Variants in EXOC2 observed in about 807,000 individuals in gnomAD.
EXOC2 encodes exocyst complex component 2.
A neutral mutation model predicts 131.8 loss-of-function variants in EXOC2; 70 were observed. That is an observed-to-expected ratio of 0.53 (90% CI 0.44 to 0.65). The LOEUF (loss-of-function observed/expected upper bound fraction) is 0.65. EXOC2 is among the 30% of genes least tolerant of loss of function. The pLI, the probability that EXOC2 is intolerant of heterozygous loss-of-function variation, is 0.00. For missense variants in EXOC2, 923 were observed against 1,108.6 expected (o/e 0.83, Z 2.38); for synonymous variants, 411 against 398.4 (o/e 1.03, Z -0.38).
At position 495,258 on chromosome 6, in the gene EXOC2, T is replaced by C. The variant is rs576445029; in HGVS notation, c.2559+2109A>G. 4.6e-5 allele frequency among the ~76,000 whole-genome samples: 7 copies of C among 152,122 alleles called. No individual in the cohort carries two copies. In the South Asian group the frequency reaches 1.5e-3, roughly 32 times the overall value. On this transcript the variant is annotated intron_variant, in intron 25 of 27. Coordinates refer to ENST00000230449, the MANE Select transcript of EXOC2 (RefSeq NM_018303.6). ...CTCCTGCCTCAGCCTCCCGAGTAGC[T>C]GGGACTACAGGCGCCCGCCACCGCG...
At chr6:489,126 C>T in intron 26 of EXOC2, 88 bp from the exon 27 acceptor site, 2 of 1,174,214 alleles carry the variant, frequency 1.7e-6, no homozygotes, top group Non-Finnish European at 1.2e-6. Flanking sequence ...TATTGAGAAG[C>T]CAATAAAAGC....
chr6:656,912 G>C (rs539756816), intron 1 of EXOC2: 1 of 1,541,232 alleles, frequency 6.5e-7, no homozygotes, highest in South Asian at 1.2e-5. Context: ...GCTCTAGACA[G>C]CCTTTGCCGG....
At chr6:559,359 T>C (rs1757582262) in intron 17 of EXOC2, among the ~76,000 whole-genome samples, 2 of 152,190 alleles carry the variant, frequency 1.3e-5, no homozygotes, top group Admixed American at 1.3e-4. Flanking sequence ...ATCTAATGTT[T>C]AGAAAAATGG....
At chr6:621,461 G>A (rs1456320118) in intron 4 of EXOC2, among the ~76,000 whole-genome samples, 3 of 152,208 alleles carry the variant, frequency 2.0e-5, no homozygotes, top group African/African-American at 4.8e-5. Context: ...ACAGCGAGAC[G>A]CCACTCACTC....
intron 1 of EXOC2, among the ~76,000 whole-genome samples, chr6:673,957 A>G (rs1420804425): frequency 6.6e-6 from 1 of 152,186 alleles, no homozygotes; most frequent in African/African-American, 2.4e-5. Flanking sequence ...CAGTATCTAC[A>G]AGGCACAATA....
chr6:607,913 CT>C (rs1760506709), intron 7 of EXOC2, among the ~76,000 whole-genome samples: 1 of 151,966 alleles, frequency 6.6e-6, no homozygotes. Flanking sequence ...AATAAATGAC[CT>C]AAGTTTCCTG....
At chr6:692,691 G>C (rs549615206) in intron 1 of EXOC2, among the ~76,000 whole-genome samples, 102 of 152,384 alleles carry the variant, frequency 6.7e-4, no homozygotes, top group African/African-American at 2.3e-3. Flanking sequence ...AGGGCGAAGC[G>C]GCGCAGTCTG....
chr6:618,633 A>G (rs1362322434), intron 5 of EXOC2, among the ~76,000 whole-genome samples: 4 of 152,196 alleles, frequency 2.6e-5, no homozygotes, highest in African/African-American at 7.2e-5. Context: ...AATTTACCCT[A>G]TGTATTAAAA....
At chr6:612,743 G>A (rs1391406809) in intron 6 of EXOC2, among the ~76,000 whole-genome samples, 1 of 152,084 alleles carries the variant, frequency 6.6e-6, no homozygotes, top group Non-Finnish European at 1.5e-5. Context: ...GCAATAAAAG[G>A]AACAGGGGAA....
Position 553,908 on chromosome 6 carries a change from A to C in EXOC2, c.2067T>G (p.Asp689Glu), listed in dbSNP as rs1342658262. 6.2e-7 allele frequency: 1 copy of C among 1,613,888 alleles called. No individual in the cohort carries two copies. Among genetic ancestry groups the C allele is most frequent in the Non-Finnish European group, 8.5e-7 (1 of 1,179,874 alleles). Residue 689 changes from aspartate to glutamate, a missense_variant, in exon 21 of 28, where the codon GAT becomes GAG. Asp to Glu is a conservative substitution (Grantham distance 45). Coordinates refer to ENST00000230449, the MANE Select transcript of EXOC2 (RefSeq NM_018303.6). ...ADIDTTHLSV[D>E]VSSPDLFGSI... Reference sequence around the variant, plus strand: ...TTCCAAACAAGTCAGGGGAAGAAACATCAACAGAGAGACTGAACATAGAAG... The same window carrying C: ...TTCCAAACAAGTCAGGGGAAGAAACCTCAACAGAGAGACTGAACATAGAAG...
intron 9 of EXOC2, 99 bp downstream of exon 9, chr6:598,761 C>A: frequency 3.2e-6 from 3 of 931,990 alleles, no homozygotes; most frequent in Non-Finnish European, 3.2e-6. Flanking sequence ...CTCATATAAA[C>A]AAAAACTAAA....
At chr6:594,682 T>C (rs1163565092) in intron 10 of EXOC2, among the ~76,000 whole-genome samples, 1 of 152,210 alleles carries the variant, frequency 6.6e-6, no homozygotes, top group African/African-American at 2.4e-5. Context: ...CAAAAGACTT[T>C]TTCTATCATC....
chr6:517,046 G>A (rs1765198895), intron 23 of EXOC2, among the ~76,000 whole-genome samples: 1 of 152,190 alleles, frequency 6.6e-6, no homozygotes, highest in South Asian at 2.1e-4. Flanking sequence ...CATGACTGAT[G>A]CTGCCACAGC....
At chr6:613,940 C>T (rs1351700969) in intron 6 of EXOC2, among the ~76,000 whole-genome samples, 1 of 151,594 alleles carries the variant, frequency 6.6e-6, no homozygotes, top group African/African-American at 2.4e-5. Context: ...CCACATGTAG[C>T]AACACAAGAC....
intron 23 of EXOC2, among the ~76,000 whole-genome samples, chr6:529,178 A>T (rs1248628047): frequency 6.6e-6 from 1 of 151,876 alleles, no homozygotes; most frequent in African/African-American, 2.4e-5. Context: ...CAGCCTCGTG[A>T]TAATGGCCAG....
chr6:603,194 C>T (rs954462957), intron 7 of EXOC2, among the ~76,000 whole-genome samples: 12 of 152,216 alleles, frequency 7.9e-5, no homozygotes, highest in Admixed American at 7.2e-4. Flanking sequence ...CCCCACCCAC[C>T]ACAGCACAAT....
intron 23 of EXOC2, among the ~76,000 whole-genome samples, chr6:529,091 G>A (rs770071799): frequency 2.4e-4 from 25 of 102,802 alleles, no homozygotes; most frequent in Admixed American, 9.7e-4. Flanking sequence ...TAAGATCCCC[G>A]TTAGCCCGGC....
chr6:529,221 G>A (rs1040681380), intron 23 of EXOC2, among the ~76,000 whole-genome samples: 3 of 152,096 alleles, frequency 2.0e-5, no homozygotes, highest in African/African-American at 2.4e-5. Context: ...GTGACCTAAC[G>A]CCGCCCTTCA....
In EXOC2 at chr6:666,606, C is replaced by T. The variant is rs1482129332; in HGVS notation, c.-44+26413G>A. On this transcript the variant is annotated intron_variant, in intron 1 of 27. Coordinates refer to ENST00000230449, the MANE Select transcript of EXOC2 (RefSeq NM_018303.6). ...AAATTAGAGTTTCCATATACCCCTT[C>T]ACTACCACTCCCTCCTGTTTCCTCT... 1.5e-4 allele frequency among the ~76,000 whole-genome samples: 15 copies of T among 96,956 alleles called. 7 individuals are homozygous for T. The Admixed American group carries it at 1.7e-3, about 11-fold the overall frequency. 63.6% of individuals were successfully genotyped at this position (96,956 alleles called of 152,430 possible).
Sources: allele counts gnomAD v4.1 joint callset (sites outside exome capture counted in the v4.1 genomes callset), GRCh38; gene constraint gnomAD v4.1.1; transcripts MANE v1.5; gene names NCBI Gene and HGNC (gene_info 2026-07-23, HGNC 2026-07-21).